Variants in PDE4D observed in about 807,000 individuals in gnomAD.
The protein encoded by PDE4D is 3',5'-cyclic-AMP phosphodiesterase 4D.
PDE4D carries 24 observed loss-of-function variants against 87.4 expected under a neutral mutation model. The ratio of observed to expected loss-of-function variants is 0.27; its 90% CI spans 0.20 to 0.39. The LOEUF is 0.39. Ranked by LOEUF, PDE4D falls within the 10% of genes least tolerant of loss-of-function variation. PDE4D has a pLI of 1.00. For missense variants in PDE4D, 714 were observed against 1,041.0 expected, an observed-to-expected ratio of 0.69 and a Z score of 4.32; for synonymous variants, 384 against 383.2, an observed-to-expected ratio of 1.00 and a Z score of -0.02.
intron 1 of PDE4D, among the ~76,000 whole-genome samples, chr5:59,316,827 C>A (rs1258406228): frequency 6.6e-6 from 1 of 152,194 alleles, no homozygotes; most frequent in African/African-American, 2.4e-5. Flanking sequence ...CCACGGGACA[C>A]CTGCCTTCTT....
chr5:59,122,958 C>T (rs550607253), intron 5 of PDE4D, among the ~76,000 whole-genome samples: 4 of 151,992 alleles, frequency 2.6e-5, no homozygotes, highest in East Asian at 1.9e-4. Flanking sequence ...CTAATGGAGT[C>T]AAAGAGTCCT....
At chr5:59,582,494 T>C (rs1019741170) in intron 1 of PDE4D, among the ~76,000 whole-genome samples, 23 of 152,168 alleles carry the variant, frequency 1.5e-4, no homozygotes, top group Non-Finnish European at 1.6e-4. Flanking sequence ...TACGTATTCA[T>C]TATATTAGTA....
chr5:59,439,088 G>T (rs1797201829), intron 1 of PDE4D, among the ~76,000 whole-genome samples: 1 of 152,206 alleles, frequency 6.6e-6, no homozygotes, highest in African/African-American at 2.4e-5. Context: ...GCTGGGTGCA[G>T]TGGCTCACAT....
At chr5:60,228,285 A>G (rs1745366242) in intron 1 of PDE4D, among the ~76,000 whole-genome samples, 1 of 152,120 alleles carries the variant, frequency 6.6e-6, no homozygotes, top group African/African-American at 2.4e-5. Flanking sequence ...ACCTCTGCAA[A>G]TCAAGGTCAT....
intron 1 of PDE4D, among the ~76,000 whole-genome samples, chr5:60,318,994 T>C (rs550488491): frequency 1.3e-5 from 2 of 152,224 alleles, no homozygotes; most frequent in Non-Finnish European, 2.9e-5. Context: ...AGTATCTTTG[T>C]AGCATTTTCT....
chr5:59,511,237 T>TC (rs1810235364), intron 1 of PDE4D, among the ~76,000 whole-genome samples: 1 of 151,836 alleles, frequency 6.6e-6, no homozygotes, highest in East Asian at 1.9e-4. Flanking sequence ...CATCAAAAAA[T>TC]ACAAAAAGTT....
chr5:59,036,796 A>T (rs935675946), intron 6 of PDE4D, among the ~76,000 whole-genome samples: 1 of 152,256 alleles, frequency 6.6e-6, no homozygotes, highest in Non-Finnish European at 1.5e-5. Context: ...TTAGTGTGAC[A>T]GCAATAATTT....
chr5:60,383,767 C>T (rs117473377), intron 1 of PDE4D, among the ~76,000 whole-genome samples: 57 of 152,276 alleles, frequency 3.7e-4, no homozygotes, highest in Admixed American at 2.4e-3. Context: ...ATATTTCTAA[C>T]GCTAAAATGT....
intron 2 of PDE4D, chr5:60,147,778 G>C (rs768846909): frequency 3.5e-5 from 16 of 456,002 alleles, no homozygotes; most frequent in Non-Finnish European, 7.1e-5. Flanking sequence ...GTTCCTTGCT[G>C]ACTGTTGGCT....
At chr5:60,521,682 G>C (rs1751043673) in intron 1 of PDE4D, 1 of 152,174 alleles carries the variant, frequency 6.6e-6, no homozygotes, top group Admixed American at 6.5e-5. Flanking sequence ...GAATAAGGGA[G>C]AGGGGAGGGG....
rs958984427 is a variant in PDE4D at position 59,139,124 on chromosome 5, G to A, written c.808+41471C>T. 6.0e-4 allele frequency among the ~76,000 whole-genome samples: 91 copies of A among 152,160 alleles called. 1 individual carries two copies. The highest frequency in any genetic ancestry group is 4.1e-4 in the South Asian group (2 of 4,826). On this transcript the variant is annotated intron_variant, in intron 5 of 14. Coordinates refer to ENST00000340635, the MANE Select transcript of PDE4D (RefSeq NM_001104631.2). Reference sequence around the variant, plus strand: ...GCAGGCTAGAATCAATGAGTGCTTTGGAAGGAAGGGGATGCACATGGGAGA... The same window carrying A: ...GCAGGCTAGAATCAATGAGTGCTTTAGAAGGAAGGGGATGCACATGGGAGA...
chr5:59,601,496 T>G (rs1406176539), intron 1 of PDE4D, among the ~76,000 whole-genome samples: 2 of 151,946 alleles, frequency 1.3e-5, no homozygotes, highest in East Asian at 3.9e-4. Context: ...CTGTAGCCCA[T>G]GTCATTGTTG....
chr5:59,678,288 T>C (rs1343621707), intron 1 of PDE4D, among the ~76,000 whole-genome samples: 1 of 152,174 alleles, frequency 6.6e-6, no homozygotes, highest in Non-Finnish European at 1.5e-5. Flanking sequence ...TAAATAAATA[T>C]AAATACAAGG....
At chr5:59,731,328 C>T (rs1034587893) in intron 1 of PDE4D, among the ~76,000 whole-genome samples, 4 of 152,088 alleles carry the variant, frequency 2.6e-5, no homozygotes, top group African/African-American at 7.2e-5. Flanking sequence ...GAGATAGTGC[C>T]GTGGGAGCAG....
At chr5:59,552,138 G>C (rs1451750745) in intron 1 of PDE4D, among the ~76,000 whole-genome samples, 1 of 152,204 alleles carries the variant, frequency 6.6e-6, no homozygotes, top group African/African-American at 2.4e-5. Flanking sequence ...AGAATTGCTT[G>C]AGCCTAGGAG....
chr5:59,908,396 T>A (rs542709410), intron 3 of PDE4D, among the ~76,000 whole-genome samples: 2 of 152,292 alleles, frequency 1.3e-5, no homozygotes, highest in East Asian at 3.9e-4. Flanking sequence ...CGAAAACAAG[T>A]GGAAGCAGCA....
intron 5 of PDE4D, among the ~76,000 whole-genome samples, chr5:59,096,757 AC>A (rs776168270): frequency 9.2e-5 from 14 of 152,210 alleles, no homozygotes; most frequent in Non-Finnish European, 2.1e-4. Context: ...CAGATACAGG[AC>A]CCATAGACAG....
intron 3 of PDE4D, among the ~76,000 whole-genome samples, chr5:59,918,751 G>A (rs1438611153): frequency 3.3e-5 from 5 of 151,690 alleles, no homozygotes; most frequent in East Asian, 1.9e-4. Context: ...TCAGTCTTGC[G>A]GCTGCAAGGA....
At chr5:59,971,385 AG>A (rs1227086073) in intron 3 of PDE4D, among the ~76,000 whole-genome samples, 9 of 151,930 alleles carry the variant, frequency 5.9e-5, no homozygotes, top group Non-Finnish European at 1.3e-4. Context: ...TAAATAAAAA[AG>A]AGAGAGAGAC....
Sources: gnomAD v4.1 joint callset for allele counts (sites outside exome capture counted in the v4.1 genomes callset) on GRCh38, gnomAD v4.1.1 for gene constraint, MANE v1.5 for transcripts, NCBI Gene and HGNC (gene_info 2026-07-23, HGNC 2026-07-21) for gene names.